BICD1: variants seen among roughly 807,000 people sequenced by gnomAD.
The protein encoded by BICD1 is BICD cargo adaptor 1.
A neutral mutation model predicts 92.5 loss-of-function variants in BICD1; 35 were observed. The observed-to-expected ratio is 0.38, with a 90% CI of 0.29 to 0.50. The LOEUF (loss-of-function observed/expected upper bound fraction) is 0.50. Ranked by LOEUF, BICD1 falls within the 20% of genes least tolerant of loss-of-function variation. The pLI is 0.93. For missense variants in BICD1, 950 were observed against 1,189.8 expected, an observed-to-expected ratio of 0.80 and a Z score of 2.97; for synonymous variants, 429 against 465.1, an observed-to-expected ratio of 0.92 and a Z score of 1.00.
intron 1 of BICD1, among the ~76,000 whole-genome samples, chr12:32,116,979 A>G (rs1033932986): frequency 6.6e-6 from 1 of 151,526 alleles, no homozygotes; most frequent in African/African-American, 2.4e-5. Context: ...GATCTCACCT[A>G]TTATGTTATA....
At chr12:32,237,986 C>T (rs1429870945) in intron 2 of BICD1, among the ~76,000 whole-genome samples, 3 of 152,214 alleles carry the variant, frequency 2.0e-5, no homozygotes, top group Admixed American at 6.5e-5. Context: ...TGGGCAAAGT[C>T]TATTGAAAAC....
chr12:32,300,825 G>T (rs200770408), intron 3 of BICD1, among the ~76,000 whole-genome samples: 24,992 of 148,324 alleles, frequency 0.17, 2,679 homozygotes, highest in African/African-American at 0.3. Context: ...TTTTTTTTTT[G>T]TATTTTTAGT....
In BICD1 at chr12:32,338,877, AC is replaced by A; in HGVS notation, c.2664del (p.Ser889ProfsTer7). The A allele has an allele frequency of 6.2e-7, 1 of 1,608,824 alleles. No individual in the cohort carries two copies. The highest frequency in any genetic ancestry group is 8.5e-7 in the Non-Finnish European group (1 of 1,177,952). On this transcript the variant is annotated frameshift_variant, in exon 8 of 10. Coordinates refer to ENST00000652176, the MANE Select transcript of BICD1 (RefSeq NM_001714.4). LOFTEE classifies it high-confidence loss of function. ...TTTATTAAGAGTTCCCCCTGATCCC[AC>A]CTCCACAGAATCATTTCTTCTGAAG... ...QNLLRVPPDP[T>X]STESFLLKGP...
chr12:32,117,758 A>ATATATATATATTTT (rs1491222610), intron 1 of BICD1, among the ~76,000 whole-genome samples: 8 of 107,910 alleles, frequency 7.4e-5, no homozygotes, highest in African/African-American at 2.6e-4. Context: ...ATATATATAT[A>ATATATATATATTTT]TTTTTTTTTA....
chr12:32,169,894 C>A (rs1372025865), intron 1 of BICD1, among the ~76,000 whole-genome samples: 1 of 152,194 alleles, frequency 6.6e-6, no homozygotes, highest in Non-Finnish European at 1.5e-5. Context: ...CTGCGCCTGG[C>A]CCCCAAGATA....
chr12:32,112,342 C>T (rs550545011), intron 1 of BICD1, among the ~76,000 whole-genome samples: 121 of 152,264 alleles, frequency 7.9e-4, no homozygotes, highest in Middle Eastern at 3.4e-3. Context: ...TCGTCTCTGG[C>T]GAAGTTATTT....
At chr12:32,295,576 T>TTG (rs749474269) in intron 3 of BICD1, among the ~76,000 whole-genome samples, 5 of 151,336 alleles carry the variant, frequency 3.3e-5, no homozygotes, top group Non-Finnish European at 7.4e-5. Context: ...GATTGATTGA[T>TTG]AGATATAAGG....
chr12:32,179,307 C>T (rs1204632689), intron 1 of BICD1, among the ~76,000 whole-genome samples: 2 of 151,676 alleles, frequency 1.3e-5, no homozygotes, highest in Non-Finnish European at 2.9e-5. Flanking sequence ...TGCTATTCCA[C>T]CAGAAATAAT....
Position 32,159,165 on chromosome 12 carries a change from C to T in BICD1, c.213+51621C>T, listed in dbSNP as rs1484747205. ...GCTAGGCTGGTCTCGAACTTCTGAC[C>T]TCATGTGATCCACCCACCTTGGCCT... is the stretch of plus-strand genomic sequence containing the variant. On this transcript the variant is annotated intron_variant, in intron 1 of 9. Transcript: ENST00000652176. Among the ~76,000 whole-genome samples, 14 of 152,204 alleles carry T rather than the reference C, an allele frequency of 9.2e-5. No homozygotes were observed. The East Asian group carries it at 2.7e-3, about 29-fold the overall frequency.
At chr12:32,268,482 T>A (rs1196559426) in intron 2 of BICD1, among the ~76,000 whole-genome samples, 1 of 152,114 alleles carries the variant, frequency 6.6e-6, no homozygotes, top group Non-Finnish European at 1.5e-5. Flanking sequence ...AAGCAAGAAA[T>A]TAGAAGCTTG....
chr12:32,230,398 TCAAA>T (rs1945841941), intron 2 of BICD1, among the ~76,000 whole-genome samples: 1 of 118,688 alleles, frequency 8.4e-6, no homozygotes, highest in South Asian at 2.8e-4. Flanking sequence ...AGACCCTGTC[TCAAA>T]TAAATAAATA....
intron 1 of BICD1, among the ~76,000 whole-genome samples, chr12:32,143,931 A>T (rs939529733): frequency 6.6e-6 from 1 of 152,146 alleles, no homozygotes; most frequent in Non-Finnish European, 1.5e-5. Flanking sequence ...TTCCTAATTT[A>T]TGAAATGCCT....
chr12:32,239,622 T>C (rs1946182174), intron 2 of BICD1, among the ~76,000 whole-genome samples: 1 of 151,396 alleles, frequency 6.6e-6, no homozygotes, highest in South Asian at 2.1e-4. Context: ...GTTTTTTGAG[T>C]TGGAGTTTTG....
intron 1 of BICD1, among the ~76,000 whole-genome samples, chr12:32,117,705 T>TACACACACACACACACACACAC (rs1187433090): frequency 6.4e-4 from 55 of 85,412 alleles, no homozygotes; most frequent in Middle Eastern, 6.1e-3. Context: ...TATACACAAA[T>TACACACACACACACACACACAC]ATATATACAC....
chr12:32,350,316 C>G (rs113877070), intron 8 of BICD1, among the ~76,000 whole-genome samples: 3,585 of 152,040 alleles, frequency 0.024, 136 homozygotes, highest in African/African-American at 0.081. Flanking sequence ...AACCCTGTCT[C>G]TACAAAAAAA....
At chr12:32,284,084 T>TG (rs1947493388) in intron 2 of BICD1, among the ~76,000 whole-genome samples, 1 of 152,114 alleles carries the variant, frequency 6.6e-6, no homozygotes, top group Admixed American at 6.5e-5. Context: ...CCCTGTGGGG[T>TG]GGGGGGCAAG....
chr12:32,164,283 A>G (rs2121510698), intron 1 of BICD1, among the ~76,000 whole-genome samples: 1 of 152,316 alleles, frequency 6.6e-6, no homozygotes, highest in East Asian at 1.9e-4. Context: ...TTGTTTACCA[A>G]TGGTATTGAT....
At chr12:32,359,648 A>G (rs1030459288) in intron 8 of BICD1, among the ~76,000 whole-genome samples, 2 of 152,192 alleles carry the variant, frequency 1.3e-5, no homozygotes, top group Non-Finnish European at 2.9e-5. Flanking sequence ...AAGTATCAAC[A>G]TGAATTTTGG....
intron 1 of BICD1, among the ~76,000 whole-genome samples, chr12:32,116,428 A>G (rs1018223688): frequency 6.8e-6 from 1 of 147,914 alleles, no homozygotes; most frequent in Non-Finnish European, 1.5e-5. Flanking sequence ...CACTTGTACT[A>G]TGTCTCTGTC....
Sources: gnomAD v4.1 joint callset for allele counts (sites outside exome capture counted in the v4.1 genomes callset) on GRCh38, gnomAD v4.1.1 for gene constraint, MANE v1.5 for transcripts, NCBI Gene and HGNC (gene_info 2026-07-23, HGNC 2026-07-21) for gene names.